The following MICU1 variants were observed in gnomAD, a reference collection of about 807,000 sequenced individuals.
MICU1 encodes the protein calcium uptake protein 1, mitochondrial.
In MICU1, 45 loss-of-function variants were observed where a neutral mutation model predicts 56.8. The ratio of observed to expected loss-of-function variants is 0.79; its 90% confidence interval spans 0.62 to 1.02. MICU1 has a LOEUF of 1.02. Ranked by LOEUF, MICU1 falls within the 50% of genes least tolerant of loss-of-function variation. MICU1 has a pLI of 0.00. For missense variants in MICU1, 504 were observed against 587.1 expected (o/e 0.86, Z 1.46); for synonymous variants, 186 against 195.1 (o/e 0.95, Z 0.39).
intron 8 of MICU1, among the ~76,000 whole-genome samples, chr10:72,470,690 C>T (rs1001065287): frequency 6.6e-6 from 1 of 150,740 alleles, no homozygotes; most frequent in African/African-American, 2.5e-5. Flanking sequence ...ATTAAATTTC[C>T]AATACATGAA....
intron 6 of MICU1, among the ~76,000 whole-genome samples, chr10:72,479,634 T>A (rs1257814722): frequency 3.3e-5 from 5 of 152,162 alleles, no homozygotes. Context: ...GCTCAAGCAA[T>A]CCTGCCTCAG....
chr10:72,546,866 C>T (rs1363725884), intron 4 of MICU1, among the ~76,000 whole-genome samples: 1 of 151,852 alleles, frequency 6.6e-6, no homozygotes, highest in Non-Finnish European at 1.5e-5. Flanking sequence ...GCTGAGACTA[C>T]AGGCACAAGC....
At chr10:72,549,330 A>C (rs775496748) in intron 4 of MICU1, among the ~76,000 whole-genome samples, 5 of 151,224 alleles carry the variant, frequency 3.3e-5, no homozygotes, top group Non-Finnish European at 7.4e-5. Flanking sequence ...AGCTGGGACT[A>C]CAGGCACGCA....
At chr10:72,409,701 C>T (rs1261314770) in intron 9 of MICU1, among the ~76,000 whole-genome samples, 1 of 151,994 alleles carries the variant, frequency 6.6e-6, no homozygotes, top group African/African-American at 2.4e-5. Context: ...AAAAACAAAA[C>T]ACAACAAAAA....
chr10:72,481,624 C>T (rs184663976), intron 6 of MICU1, among the ~76,000 whole-genome samples: 12 of 152,240 alleles, frequency 7.9e-5, no homozygotes, highest in African/African-American at 2.9e-4. Flanking sequence ...ATTGGCCAGG[C>T]TGTTCTAGAA....
intron 9 of MICU1, among the ~76,000 whole-genome samples, chr10:72,411,388 C>T (rs890207942): frequency 6.0e-5 from 9 of 150,830 alleles, no homozygotes; most frequent in Non-Finnish European, 1.0e-4. Flanking sequence ...AGTGCAGTGG[C>T]GCGATCTCGG....
chr10:72,395,015 C>T (rs1036243648), intron 10 of MICU1, among the ~76,000 whole-genome samples: 4 of 151,894 alleles, frequency 2.6e-5, no homozygotes, highest in African/African-American at 9.7e-5. Context: ...CCCATCTCTA[C>T]TAAAAATACA....
intron 1 of MICU1, among the ~76,000 whole-genome samples, chr10:72,572,576 T>A (rs1386162584): frequency 6.6e-6 from 1 of 151,816 alleles, no homozygotes; most frequent in Non-Finnish European, 1.5e-5. Context: ...TATAATAACA[T>A]AATGGAATGG....
intron 3 of MICU1, among the ~76,000 whole-genome samples, chr10:72,559,288 A>T (rs1228533399): frequency 6.6e-6 from 1 of 152,196 alleles, no homozygotes; most frequent in African/African-American, 2.4e-5. Context: ...ACTGAAGGGG[A>T]GTATAAAAGC....
intron 6 of MICU1, among the ~76,000 whole-genome samples, chr10:72,506,436 G>C (rs1867254565): frequency 6.6e-6 from 1 of 152,164 alleles, no homozygotes; most frequent in South Asian, 2.1e-4. Context: ...TAATGCCATA[G>C]TCTTTCTGCT....
intron 8 of MICU1, among the ~76,000 whole-genome samples, chr10:72,455,923 T>C (rs969712709): frequency 9.9e-5 from 15 of 152,022 alleles, no homozygotes; most frequent in African/African-American, 3.1e-4. Context: ...AAGTATTGGA[T>C]AGTCTGGATT....
chr10:72,581,374 A>G lies in MICU1; in HGVS notation c.-1-14580T>C, dbSNP rs1840893348. On this transcript the variant is annotated intron_variant, in intron 1 of 11. Coordinates refer to ENST00000361114, the MANE Select transcript of MICU1 (RefSeq NM_001195518.2). The stretch of plus-strand genomic sequence containing the variant: ...GCCAGGCACAATGGCTCACACCTGT[A>G]ATCCCAGCACTTTGAAAGACCAAGG... Among the ~76,000 whole-genome samples the G allele has an allele frequency of 2.0e-5, 3 of 152,326 alleles. No individual in the cohort carries two copies. In the South Asian group the frequency reaches 6.2e-4, roughly 32 times the overall value.
At chr10:72,569,341 TCTC>T (rs1277078020) in intron 1 of MICU1, among the ~76,000 whole-genome samples, 1 of 148,370 alleles carries the variant, frequency 6.7e-6, no homozygotes, top group African/African-American at 2.5e-5. Context: ...TTCAAGCAAT[TCTC>T]CTGTCTCAGC....
intron 5 of MICU1, among the ~76,000 whole-genome samples, chr10:72,516,857 C>T (rs530887091): frequency 1.3e-5 from 2 of 152,214 alleles, no homozygotes; most frequent in East Asian, 1.9e-4. Context: ...TTCTTCCATG[C>T]TTTTGCAGTT....
At chr10:72,432,417 AC>A (rs797017859) in intron 8 of MICU1, among the ~76,000 whole-genome samples, 38 of 152,246 alleles carry the variant, frequency 2.5e-4, no homozygotes, top group African/African-American at 9.1e-4. Context: ...GGCATGAGCC[AC>A]CCTGCCTGCC....
chr10:72,615,602 C>T (rs575273383), intron 1 of MICU1, among the ~76,000 whole-genome samples: 2 of 152,190 alleles, frequency 1.3e-5, no homozygotes, highest in South Asian at 4.1e-4. Flanking sequence ...GCCATTAATC[C>T]CATTAAATGT....
intron 9 of MICU1, among the ~76,000 whole-genome samples, chr10:72,422,039 C>T (rs543754247): frequency 6.6e-6 from 1 of 152,156 alleles, no homozygotes; most frequent in African/African-American, 2.4e-5. Context: ...CTGACCCCAC[C>T]CCCTACCCCA....
chr10:72,559,251 G>A (rs1840232584), intron 3 of MICU1, among the ~76,000 whole-genome samples: 1 of 152,138 alleles, frequency 6.6e-6, no homozygotes, highest in Non-Finnish European at 1.5e-5. Flanking sequence ...TACCTCTGAA[G>A]AAGATGGAAG....
intron 1 of MICU1, among the ~76,000 whole-genome samples, chr10:72,575,813 A>T (rs1445329299): frequency 1.3e-5 from 2 of 152,132 alleles, no homozygotes; most frequent in East Asian, 3.8e-4. Context: ...CCATTCCCTG[A>T]GACACAGTAA....
Sources: allele counts gnomAD v4.1 joint callset (sites outside exome capture counted in the v4.1 genomes callset), GRCh38; gene constraint gnomAD v4.1.1; transcripts MANE v1.5; gene names NCBI Gene and HGNC (gene_info 2026-07-23, HGNC 2026-07-21).